ATP9B: variants seen among roughly 807,000 people sequenced by gnomAD.
ATP9B encodes ATPase phospholipid transporting 9B.
In ATP9B, 110 loss-of-function variants were observed where a neutral mutation model predicts 146.1. That is an observed-to-expected ratio of 0.75 (90% CI 0.65 to 0.88). The LOEUF (loss-of-function observed/expected upper bound fraction) is 0.88, where lower values mean the gene tolerates loss of function less well. Ranked by LOEUF, ATP9B falls within the 40% of genes least tolerant of loss-of-function variation. The probability of loss-of-function intolerance (pLI) is 0.00; values close to 1 mark genes in which losing one functional copy is unlikely to be tolerated. For missense variants in ATP9B, 1,499 were observed against 1,496.4 expected (o/e 1.00, Z -0.03); for synonymous variants, 604 against 569.7 (o/e 1.06, Z -0.86).
At chr18:79,106,624 T>C (rs1472757513) in intron 2 of ATP9B, among the ~76,000 whole-genome samples, 1 of 152,218 alleles carries the variant, frequency 6.6e-6, no homozygotes, top group Admixed American at 6.5e-5. Context: ...ATTCTGTCTG[T>C]ACACAATAAA....
intron 1 of ATP9B, among the ~76,000 whole-genome samples, 189 bp from the exon 2 acceptor site, chr18:79,096,287 C>G (rs1385170034): frequency 1.3e-5 from 2 of 152,168 alleles, no homozygotes; most frequent in Non-Finnish European, 2.9e-5. Context: ...TAGCACAGGT[C>G]TCGTTGGGCA....
intron 15 of ATP9B, among the ~76,000 whole-genome samples, chr18:79,327,774 C>CGTGCTCTCTGTGGTTAGT (rs2096764310): frequency 2.5e-5 from 3 of 120,098 alleles, no homozygotes; most frequent in African/African-American, 3.6e-5. Context: ...CTGTGGTTAA[C>CGTGCTCTCTGTGGTTAGT]GTGCTCTCCG....
At chr18:79,264,276 A>T (rs1163110207) in intron 12 of ATP9B, among the ~76,000 whole-genome samples, 2 of 152,186 alleles carry the variant, frequency 1.3e-5, no homozygotes, top group African/African-American at 4.8e-5. Context: ...TTGCAGTTTT[A>T]ATGATCATTT....
intron 9 of ATP9B, among the ~76,000 whole-genome samples, chr18:79,203,497 A>G (rs545526717): frequency 6.8e-4 from 103 of 152,338 alleles, no homozygotes; most frequent in Non-Finnish European, 5.6e-4. Flanking sequence ...TGCAGGTGAA[A>G]GACATCTTGA....
intron 7 of ATP9B, among the ~76,000 whole-genome samples, chr18:79,156,740 G>T (rs977096393): frequency 2.0e-5 from 3 of 152,138 alleles, no homozygotes; most frequent in Non-Finnish European, 4.4e-5. Context: ...GCCAATATTG[G>T]AGTATAATGT....
At chr18:79,286,037 G>C (rs2096436537) in intron 13 of ATP9B, among the ~76,000 whole-genome samples, 2 of 151,684 alleles carry the variant, frequency 1.3e-5, no homozygotes, top group South Asian at 4.2e-4. Flanking sequence ...AGTGTAGTTT[G>C]AAGTCAGGTA....
intron 11 of ATP9B, among the ~76,000 whole-genome samples, chr18:79,215,610 T>C (rs2095620576): frequency 6.6e-6 from 1 of 152,248 alleles, no homozygotes; most frequent in South Asian, 2.1e-4. Context: ...AAAGTAATCA[T>C]ATATAGAGTT....
At chr18:79,375,311 C>T in intron 28 of ATP9B, 83 bp from the exon 29 acceptor site, 1 of 1,278,088 alleles carries the variant, frequency 7.8e-7, no homozygotes, top group Non-Finnish European at 1.1e-6. Flanking sequence ...TAATGTATTT[C>T]TTATTCTTTT....
intron 25 of ATP9B, chr18:79,354,565 T>C (rs1333320475): frequency 1.8e-5 from 1 of 55,698 alleles, no homozygotes; most frequent in Non-Finnish European, 3.0e-5. Context: ...TGAGACCGTG[T>C]CTCAAAAAAA....
chr18:79,361,133 C>G (rs1229238636), intron 26 of ATP9B: 1 of 152,216 alleles, frequency 6.6e-6, no homozygotes, highest in Non-Finnish European at 1.5e-5. Flanking sequence ...CTTGTAGCCC[C>G]AGCCGGTGCT....
At chr18:79,204,341 A>G (rs2095515638) in intron 9 of ATP9B, among the ~76,000 whole-genome samples, 1 of 152,202 alleles carries the variant, frequency 6.6e-6, no homozygotes, top group Non-Finnish European at 1.5e-5. Flanking sequence ...TACCATTAGT[A>G]TGAAACTATA....
At chr18:79,349,898 C>T (rs111368677) in intron 25 of ATP9B, among the ~76,000 whole-genome samples, 1 of 151,002 alleles carries the variant, frequency 6.6e-6, no homozygotes, top group South Asian at 2.1e-4. Context: ...CCCCGCACCC[C>T]CCCCCCCACC....
intron 9 of ATP9B, among the ~76,000 whole-genome samples, chr18:79,200,815 G>GGA (rs1306388772): frequency 2.4e-3 from 2 of 828 alleles, no homozygotes; most frequent in Non-Finnish European, 2.9e-3. Context: ...GAATAGACTT[G>GGA]GGTGGGGCCC....
intron 2 of ATP9B, among the ~76,000 whole-genome samples, chr18:79,102,971 C>T (rs2075386739): frequency 1.3e-5 from 2 of 152,120 alleles, no homozygotes; most frequent in Non-Finnish European, 1.5e-5. Context: ...ATGTTAGATC[C>T]TTTATCCTAT....
rs186265687 is a variant in ATP9B, at chr18:79,266,546, A to G, written c.1269-10508A>G. The stretch of plus-strand genomic sequence containing the variant: ...TTTTGTTCCCATCCTCAAAGGCAAA[A>G]CTTTCAACACTTTGTCATTTAAGTA... On this transcript the variant is annotated intron_variant, in intron 12 of 29. Transcript: ENST00000426216. Among the ~76,000 whole-genome samples the G allele has an allele frequency of 3.2e-4, 48 of 152,172 alleles. 3 individuals are homozygous for G. The East Asian group carries it at 3.3e-3, about 10-fold the overall frequency.
intron 2 of ATP9B, among the ~76,000 whole-genome samples, chr18:79,104,124 G>A (rs773028213): frequency 6.6e-6 from 1 of 152,126 alleles, no homozygotes; most frequent in African/African-American, 2.4e-5. Flanking sequence ...CGCGTGGCCC[G>A]AAGAAGACCC....
chr18:79,266,145 A>G (rs1330691635), intron 12 of ATP9B, among the ~76,000 whole-genome samples: 1 of 152,088 alleles, frequency 6.6e-6, no homozygotes, highest in Non-Finnish European at 1.5e-5. Flanking sequence ...AATATGGTGT[A>G]TCTCTCAATT....
intron 15 of ATP9B, among the ~76,000 whole-genome samples, chr18:79,325,117 G>A (rs537061716): frequency 7.9e-5 from 12 of 152,284 alleles, no homozygotes; most frequent in Admixed American, 1.3e-4. Flanking sequence ...CCCAGATGCC[G>A]GAGGACACAG....
At chr18:79,140,517 G>T (rs2094500897) in intron 5 of ATP9B, among the ~76,000 whole-genome samples, 2 of 152,082 alleles carry the variant, frequency 1.3e-5, no homozygotes. Context: ...GCTCATGCCT[G>T]TAATCCCAGC....
Sources: gnomAD v4.1 joint callset for allele counts (sites outside exome capture counted in the v4.1 genomes callset) on GRCh38, gnomAD v4.1.1 for gene constraint, MANE v1.5 for transcripts, NCBI Gene and HGNC (gene_info 2026-07-23, HGNC 2026-07-21) for gene names.